Variants in COL10A1 observed in about 807,000 individuals in gnomAD.
COL10A1 encodes collagen type X alpha 1 chain.
COL10A1 carries 10 observed loss-of-function variants against 18.2 expected under a neutral mutation model. That is an observed-to-expected ratio of 0.55 (90% confidence interval 0.34 to 0.93). COL10A1 has a LOEUF of 0.93. Ranked by LOEUF, COL10A1 falls within the 40% of genes least tolerant of loss-of-function variation. COL10A1 has a pLI of 0.02. For missense variants in COL10A1, 897 were observed against 853.5 expected, an observed-to-expected ratio of 1.05 and a Z score of -0.64; for synonymous variants, 330 against 316.6, an observed-to-expected ratio of 1.04 and a Z score of -0.45.
At chr6:116,135,152 A>G (rs777040877) in intron 1 of COL10A1, among the ~76,000 whole-genome samples, 1 of 152,178 alleles carries the variant, frequency 6.6e-6, no homozygotes, top group Non-Finnish European at 1.5e-5. Context: ...GATATCATTT[A>G]TTAGTTCTTT....
intron 1 of COL10A1, among the ~76,000 whole-genome samples, chr6:116,146,512 T>A (rs1158210785): frequency 1.3e-5 from 2 of 152,180 alleles, no homozygotes; most frequent in African/African-American, 4.8e-5. Context: ...GCTGGCCACT[T>A]GGAACTTTCG....
Position 116,120,956 on chromosome 6 carries a change from T to C in COL10A1, c.1160A>G (p.Lys387Arg). ...ACCTGGTTTTCCTGGGTACCCTGGT[T>C]TTCCATCTGACCCAGGGGAACCCCT... ...GERGSPGSDG[K>R]PGYPGKPGLD... Residue 387 changes from lysine to arginine, a missense_variant, in exon 3 of 3, where the codon AAA becomes AGA. Coordinates refer to ENST00000651968, the MANE Select transcript of COL10A1 (RefSeq NM_000493.4). 1 of 1,613,560 alleles carries C rather than the reference T, an allele frequency of 6.2e-7. No homozygotes were observed.
At chr6:116,161,368 C>T (rs1182559197), upstream of COL10A1, among the ~76,000 whole-genome samples, 1 of 151,440 alleles carries the variant, frequency 6.6e-6, no homozygotes, top group Admixed American at 6.6e-5. Context: ...AATAAAGATG[C>T]ATTGATATAA....
Position 116,120,199 on chromosome 6 carries a change from A to G in COL10A1, c.1917T>C (p.Ser639=). 2 of 1,614,040 alleles carry G rather than the reference A, an allele frequency of 1.2e-6. No individual in the cohort carries two copies. The highest frequency in any genetic ancestry group is 1.7e-6 in the Non-Finnish European group (2 of 1,180,014). Residue 639 remains serine, a synonymous_variant, in exon 3 of 3, where the codon AGT becomes AGC. Coordinates refer to ENST00000651968, the MANE Select transcript of COL10A1 (RefSeq NM_000493.4). ...CATTTTCTGTGAGATCGATGATGGC[A>G]CTCCCTGAAGCCTGATCCAGGTAGC... is the stretch of plus-strand genomic sequence containing the variant. The part of the protein sequence containing the change: ...TKGYLDQASG[S]AIIDLTENDQ...
chr6:116,156,547 G>A lies in COL10A1; in HGVS notation c.-16+2067C>T, dbSNP rs151080463. On this transcript the variant is annotated intron_variant, in intron 1 of 1. Transcript: ENST00000418500. ...GGGCAAAGTAAGGGAAGAGGAGACC[G>A]ATTACATGTGCTAATTGCAGATATA... 8.5e-5 allele frequency among the ~76,000 whole-genome samples: 13 copies of A among 152,318 alleles called. No individual in the cohort carries two copies. In the East Asian group the frequency reaches 1.5e-3, roughly 18 times the overall value.
the COL10A1 span, among the ~76,000 whole-genome samples, chr6:116,183,324 T>C: frequency 6.6e-6 from 1 of 152,084 alleles, no homozygotes; most frequent in Non-Finnish European, 1.5e-5. Flanking sequence ...TCCAGATTTG[T>C]TCTTTTTGCT....
At chr6:116,142,435 A>G (rs1160960171) in intron 1 of COL10A1, among the ~76,000 whole-genome samples, 2 of 152,178 alleles carry the variant, frequency 1.3e-5, no homozygotes, top group African/African-American at 4.8e-5. Context: ...TATATCATCA[A>G]TGCTAGTTCT....
At chr6:116,213,111 A>G in the COL10A1 span, among the ~76,000 whole-genome samples, 1 of 152,100 alleles carries the variant, frequency 6.6e-6, no homozygotes, top group South Asian at 2.1e-4. Context: ...ATTGCTCCAT[A>G]GGATACCAAC....
the COL10A1 span, among the ~76,000 whole-genome samples, chr6:116,175,834 C>G: frequency 6.6e-6 from 1 of 152,014 alleles, no homozygotes; most frequent in Non-Finnish European, 1.5e-5. Flanking sequence ...TCACTAGATC[C>G]TTTAACAGTT....
At chr6:116,187,464 A>C in the COL10A1 span, among the ~76,000 whole-genome samples, 20 of 152,108 alleles carry the variant, frequency 1.3e-4, no homozygotes, top group Non-Finnish European at 2.8e-4. Context: ...CAAATAATTC[A>C]TGGCTTATTT....
intron 1 of COL10A1, among the ~76,000 whole-genome samples, chr6:116,147,000 A>AATAT (rs59165804): frequency 8.9e-4 from 130 of 146,684 alleles, no homozygotes; most frequent in African/African-American, 1.6e-3. Flanking sequence ...AATAATATAA[A>AATAT]ATATATATAT....
chr6:116,159,154 A>G (rs56766667), upstream of COL10A1, among the ~76,000 whole-genome samples: 868 of 152,230 alleles, frequency 5.7e-3, 17 homozygotes, highest in South Asian at 0.046. Context: ...TCTGGGATCA[A>G]TGTTTTGTTT....
upstream of COL10A1, among the ~76,000 whole-genome samples, chr6:116,162,761 CTTG>C (rs1159952839): frequency 6.6e-6 from 1 of 152,062 alleles, no homozygotes; most frequent in Non-Finnish European, 1.5e-5. Flanking sequence ...CTTGCTGGAT[CTTG>C]TTATTAGCAT....
chr6:116,183,714 T>G, the COL10A1 span, among the ~76,000 whole-genome samples: 1 of 152,028 alleles, frequency 6.6e-6, no homozygotes, highest in East Asian at 1.9e-4. Context: ...TCACTGTTAG[T>G]GTATAGCAGG....
intron 1 of COL10A1, among the ~76,000 whole-genome samples, chr6:116,142,350 AAATT>A (rs1013005955): frequency 1.3e-5 from 2 of 152,110 alleles, no homozygotes; most frequent in Admixed American, 6.5e-5. Context: ...TTGTAAAAAA[AAATT>A]AATAACATAA....
intron 1 of COL10A1, among the ~76,000 whole-genome samples, chr6:116,143,130 C>T (rs1468356196): frequency 4.6e-5 from 7 of 152,140 alleles, no homozygotes; most frequent in Admixed American, 3.9e-4. Flanking sequence ...AAATTTGCCT[C>T]TGGCATAGAT....
upstream of COL10A1, among the ~76,000 whole-genome samples, chr6:116,129,542 T>C (rs889378969): frequency 6.6e-6 from 1 of 152,176 alleles, no homozygotes; most frequent in Non-Finnish European, 1.5e-5. Context: ...CCCCTTTTGC[T>C]CTCTTGCACA....
chr6:116,165,026 G>A, the COL10A1 span, among the ~76,000 whole-genome samples: 2 of 150,324 alleles, frequency 1.3e-5, no homozygotes, highest in African/African-American at 2.5e-5. Context: ...GAACCTGGGA[G>A]GCGGAGCTTG....
At chr6:116,157,021 G>A (rs988680724) in intron 1 of COL10A1, among the ~76,000 whole-genome samples, 1 of 152,112 alleles carries the variant, frequency 6.6e-6, no homozygotes, top group African/African-American at 2.4e-5. Context: ...CTTTGCCTAA[G>A]TGCGTTCACT....
Sources: allele counts gnomAD v4.1 joint callset (sites outside exome capture counted in the v4.1 genomes callset), GRCh38; gene constraint gnomAD v4.1.1; transcripts MANE v1.5; gene names NCBI Gene and HGNC (gene_info 2026-07-23, HGNC 2026-07-21).